Variants in RSL1D1 observed in about 807,000 individuals in gnomAD.
RSL1D1 encodes the protein ribosomal L1 domain containing 1, also known as ribosomal L1 domain-containing protein 1.
In RSL1D1, 34 loss-of-function variants were observed where a neutral mutation model predicts 44.6. The observed-to-expected ratio is 0.76, with a 90% CI of 0.58 to 1.02. The LOEUF is 1.02. Ranked by LOEUF, RSL1D1 falls within the 50% of genes least tolerant of loss-of-function variation. The pLI is 0.00. For synonymous variants in RSL1D1, 271 were observed against 207.4 expected (o/e 1.31, Z -2.63); for missense variants, 767 against 568.1 (o/e 1.35, Z -3.56).
Position 11,839,941 on chromosome 16 carries a change from C to T in RSL1D1, c.900G>A (p.Lys300=). ...KRRERNFEKQ[K]ERKKKRQQAR... ...CCTGCTGCCTCTTCTTCTTCCTCTC[C>T]TTTTGTTTTTCAAAATTTCTTTCTC... The change falls in exon 8 of 9, where the codon AAG becomes AAA. Residue 300 remains lysine (K), a synonymous_variant. Coordinates refer to ENST00000571133, the MANE Select transcript of RSL1D1 (RefSeq NM_015659.3). The T allele has an allele frequency of 1.2e-6, 2 of 1,612,388 alleles. No homozygotes were observed. Among genetic ancestry groups the T allele is most frequent in the South Asian group, 2.2e-5 (2 of 90,760 alleles).
Position 11,835,116 on chromosome 16 carries a change from C to T in RSL1D1, c.*2671G>A, listed in dbSNP as rs947479438. The T allele has an allele frequency of 5.3e-5, 8 of 151,988 alleles. No homozygotes were observed. Among genetic ancestry groups the T allele is most frequent in the Non-Finnish European group, 1.0e-4 (7 of 68,026 alleles). The allele number at this position is 151,988 out of a possible 1,614,324, so 9.4% of individuals were successfully genotyped here. A position where few individuals can be genotyped will look rare whatever the true frequency, so the allele number is the denominator to read the frequency against. On this transcript the variant is annotated 3_prime_UTR_variant, in exon 9 of 9. Transcript: ENST00000571133. ...GAGTAAGACCATCTCCCCCACTGCCCGCTACTCTCGCTACCAAAAAAACAG... is the reference window on the plus strand; with the variant it reads ...GAGTAAGACCATCTCCCCCACTGCCTGCTACTCTCGCTACCAAAAAAACAG...
At chr16:11,847,629 T>C (rs762120702) in intron 3 of RSL1D1, 39 bp downstream of exon 3, 7 of 1,538,656 alleles carry the variant, frequency 4.5e-6, no homozygotes, top group African/African-American at 1.4e-5. Flanking sequence ...CTGAATTAAA[T>C]CCTCTAAATA....
intron 2 of RSL1D1, among the ~76,000 whole-genome samples, chr16:11,848,902 C>A (rs1269601214): frequency 6.6e-6 from 1 of 151,940 alleles, no homozygotes; most frequent in Non-Finnish European, 1.5e-5. Context: ...TTCAGCCTCC[C>A]AAACAGCTGG....
chr16:11,843,871 C>CAAAAAAAAAAA (rs35833714), intron 5 of RSL1D1, among the ~76,000 whole-genome samples: 2 of 53,558 alleles, frequency 3.7e-5, no homozygotes, highest in Non-Finnish European at 3.4e-5. Context: ...AACTCTGTCT[C>CAAAAAAAAAAA]AAAAAAAAAA....
intron 5 of RSL1D1, 127 bp downstream of exon 5, chr16:11,846,374 G>A: frequency 1.8e-6 from 1 of 560,914 alleles, no homozygotes; most frequent in South Asian, 2.3e-5. Flanking sequence ...CAGCCTGGCA[G>A]ACAGAGTAAG....
At position 11,836,741 on chromosome 16, in the gene RSL1D1, T is replaced by C. The variant is rs2053722824; in HGVS notation, c.*1046A>G. 6.6e-6 allele frequency: 1 copy of C among 152,232 alleles called. No individual in the cohort carries two copies. The allele number at this position is 152,232 out of a possible 1,614,324, so 9.4% of individuals were successfully genotyped here. ...GATGCTAATCCAGTGACTCATAAGC[T>C]TAGACCAACAAGCTCAGCATGAAAG... On this transcript the variant is annotated 3_prime_UTR_variant, in exon 9 of 9. Transcript: ENST00000571133.
rs1417228134 is a variant in RSL1D1, at chr16:11,836,821, C to A, written c.*966G>T. 1 of 152,152 alleles carries A rather than the reference C, an allele frequency of 6.6e-6. No homozygotes were observed. Among genetic ancestry groups the A allele is most frequent in the Non-Finnish European group, 1.5e-5 (1 of 68,048 alleles). The allele number at this position is 152,152 out of a possible 1,614,324, so 9.4% of individuals were successfully genotyped here. A position where few individuals can be genotyped will look rare whatever the true frequency, so the allele number is the denominator to read the frequency against. On this transcript the variant is annotated 3_prime_UTR_variant, in exon 9 of 9. Coordinates refer to ENST00000571133, the MANE Select transcript of RSL1D1 (RefSeq NM_015659.3). ...GTAGCCGACTCTCATACAGCGAGACCCTCACTGGGCCACTCTGGGAATGAC... is the reference window on the plus strand; with the variant it reads ...GTAGCCGACTCTCATACAGCGAGACACTCACTGGGCCACTCTGGGAATGAC...
intron 5 of RSL1D1, among the ~76,000 whole-genome samples, chr16:11,843,198 G>A (rs1396174098): frequency 1.3e-5 from 2 of 151,326 alleles, no homozygotes; most frequent in East Asian, 2.0e-4. Flanking sequence ...GCCTCTCAAA[G>A]TGCTGGGATT....
chr16:11,846,665 C>T (rs371268861), intron 4 of RSL1D1, 30 bp downstream of exon 4: 8 of 1,613,134 alleles, frequency 5.0e-6, no homozygotes, highest in Non-Finnish European at 5.9e-6. Flanking sequence ...CTTCATGCTG[C>T]TAAAGTCCAG....
intron 2 of RSL1D1, 89 bp from the exon 3 acceptor site, chr16:11,847,895 G>T: frequency 1.5e-6 from 2 of 1,332,764 alleles, no homozygotes; most frequent in Admixed American, 2.1e-5. Context: ...TAAACTTAGT[G>T]TTATTTAAAT....
At chr16:11,850,657 T>G (rs988773992) in intron 1 of RSL1D1, among the ~76,000 whole-genome samples, 3 of 152,194 alleles carry the variant, frequency 2.0e-5, no homozygotes, top group African/African-American at 7.2e-5. Context: ...CAGTACTGTG[T>G]GCAGAAGGGC....
At chr16:11,842,923 T>C (rs1347681591) in intron 5 of RSL1D1, among the ~76,000 whole-genome samples, 2 of 11,682 alleles carry the variant, frequency 1.7e-4, no homozygotes, top group African/African-American at 5.9e-3. Flanking sequence ...GCCCAGCTAA[T>C]TTTTTTTTTT....
Position 11,838,118 on chromosome 16 carries a change from G to GA in RSL1D1, c.1147-6dup, listed in dbSNP as rs377189340. 3.3e-3 allele frequency: 4,733 copies of GA among 1,422,000 alleles called. 1 individual carries two copies. The highest frequency in any genetic ancestry group is 5.4e-3 in the South Asian group (391 of 72,396). 88.1% of individuals were successfully genotyped at this position (1,422,000 alleles called of 1,614,324 possible). On this transcript the variant is annotated splice_polypyrimidine_tract_variant and splice_region_variant and intron_variant, in intron 8 of 8. Coordinates refer to ENST00000571133, the MANE Select transcript of RSL1D1 (RefSeq NM_015659.3). ...TCCTGTGGCATGTTTTTGAATCTAA[G>GA]AAAAAAAAAAGTAAGTTTAATATAG...
At chr16:11,841,440 A>G in intron 7 of RSL1D1, 1 of 326,974 alleles carries the variant, frequency 3.1e-6, no homozygotes, top group South Asian at 3.3e-5. Flanking sequence ...TGGATCTAAC[A>G]AAAATAAAAA....
At chr16:11,839,641 G>A (rs2053749589) in intron 8 of RSL1D1, 54 bp downstream of exon 8, 2 of 1,594,178 alleles carry the variant, frequency 1.3e-6, no homozygotes, top group Admixed American at 3.4e-5. Flanking sequence ...GTACCTGCCT[G>A]ACACAGTAGC....
At chr16:11,839,543 AAAAG>A in intron 8 of RSL1D1, 148 bp downstream of exon 8, 7 of 1,220,828 alleles carry the variant, frequency 5.7e-6, no homozygotes, top group Non-Finnish European at 7.7e-6. Flanking sequence ...AAAAAAAAAA[AAAAG>A]GTACAATAAA....
At chr16:11,845,374 G>C (rs552444361) in intron 5 of RSL1D1, among the ~76,000 whole-genome samples, 1 of 152,318 alleles carries the variant, frequency 6.6e-6, no homozygotes, top group African/African-American at 2.4e-5. Flanking sequence ...GATTGCTTGA[G>C]CCAAGGAGTT....
intron 2 of RSL1D1, among the ~76,000 whole-genome samples, chr16:11,848,063 C>G (rs1040918081): frequency 6.6e-6 from 1 of 152,040 alleles, no homozygotes; most frequent in African/African-American, 2.4e-5. Flanking sequence ...ACCAGCCTGG[C>G]CAACATGGTG....
chr16:11,841,831 GA>G lies in RSL1D1; in HGVS notation c.730-12del, dbSNP rs2053765738. ...CACGCTCTCCCACTTCTGAAACAAA[GA>G]AAAGAGTAACATCGTCTACATATAC... On this transcript the variant is annotated splice_polypyrimidine_tract_variant and intron_variant, in intron 6 of 8. Coordinates refer to ENST00000571133, the MANE Select transcript of RSL1D1 (RefSeq NM_015659.3). 2 of 1,574,778 alleles carry G rather than the reference GA, an allele frequency of 1.3e-6. No homozygotes were observed. Among genetic ancestry groups the G allele is most frequent in the Admixed American group, 1.7e-5 (1 of 58,774 alleles).
Sources: allele counts gnomAD v4.1 joint callset (sites outside exome capture counted in the v4.1 genomes callset), GRCh38; gene constraint gnomAD v4.1.1; transcripts MANE v1.5; gene names NCBI Gene and HGNC (gene_info 2026-07-23, HGNC 2026-07-21).